TEAD1: variants seen among roughly 807,000 people sequenced by gnomAD.
The protein encoded by TEAD1 is transcriptional enhancer factor TEF-1.
In TEAD1, 9 loss-of-function variants were observed where a neutral mutation model predicts 54.9. That is an observed-to-expected ratio of 0.16 (90% confidence interval 0.10 to 0.29). The LOEUF is 0.29. TEAD1 is among the 10% of genes least tolerant of loss of function. TEAD1 has a pLI of 1.00. For synonymous variants in TEAD1, 200 were observed against 187.8 expected, an observed-to-expected ratio of 1.07 and a Z score of -0.53; for missense variants, 387 against 535.9, an observed-to-expected ratio of 0.72 and a Z score of 2.74.
In TEAD1 at chr11:12,940,647, C is replaced by G. The variant is rs990744753; in HGVS notation, c.*3425C>G. ...TTGGGAACAGCTGGTCACCATCATC[C>G]CTTTAATCAACTCACACCTGTTTAA... On this transcript the variant is annotated 3_prime_UTR_variant, in exon 13 of 13. Coordinates refer to ENST00000527636, the MANE Select transcript of TEAD1 (RefSeq NM_021961.6). 1 of 152,172 alleles carries G rather than the reference C, an allele frequency of 6.6e-6. No individual in the cohort carries two copies. Among genetic ancestry groups the G allele is most frequent in the African/African-American group, 2.4e-5 (1 of 41,424 alleles). The allele number at this position is 152,172 out of a possible 1,614,324, so 9.4% of individuals were successfully genotyped here. A position where few individuals can be genotyped will look rare whatever the true frequency, so the allele number is the denominator to read the frequency against.
chr11:12,694,542 T>G (rs903356781), intron 2 of TEAD1, among the ~76,000 whole-genome samples: 5 of 152,168 alleles, frequency 3.3e-5, no homozygotes, highest in African/African-American at 1.2e-4. Flanking sequence ...CTGCTGTGAC[T>G]CGTATTTATT....
chr11:12,906,241 A>G (rs536543924), intron 10 of TEAD1, among the ~76,000 whole-genome samples: 1 of 152,300 alleles, frequency 6.6e-6, no homozygotes, highest in Admixed American at 6.5e-5. Context: ...AAGATCACTC[A>G]TGTTAAATGT....
Position 12,930,479 on chromosome 11 carries a change from G to T in TEAD1, c.1167+153G>T, listed in dbSNP as rs563600736. Among the ~76,000 whole-genome samples the T allele has an allele frequency of 3.9e-5, 6 of 152,320 alleles. No individual in the cohort carries two copies. In the East Asian group the frequency reaches 7.7e-4, roughly 20 times the overall value. The stretch of plus-strand genomic sequence containing the variant: ...TAGTGGTCAGTCAGCAGTTGAATTT[G>T]CATCATCCATAGGGAAAACTTGGGC... On this transcript the variant is annotated intron_variant, in intron 12 of 12. Transcript: ENST00000527636.
intron 3 of TEAD1, among the ~76,000 whole-genome samples, chr11:12,776,206 C>T (rs891674740): frequency 2.6e-5 from 4 of 152,222 alleles, no homozygotes; most frequent in African/African-American, 9.6e-5. Context: ...TTGAGTGTGT[C>T]AGTCAGCTGG....
chr11:12,745,880 C>T (rs531431211), intron 2 of TEAD1, among the ~76,000 whole-genome samples: 10 of 152,370 alleles, frequency 6.6e-5, no homozygotes, highest in African/African-American at 2.4e-4. Flanking sequence ...GCATTCACAG[C>T]TTCTTTTGCA....
intron 11 of TEAD1, among the ~76,000 whole-genome samples, chr11:12,925,355 GA>G (rs1187754844): frequency 5.9e-5 from 9 of 152,192 alleles, no homozygotes; most frequent in Non-Finnish European, 8.8e-5. Context: ...GGTGGCAGGA[GA>G]AAGGTGGGTG....
chr11:12,907,367 G>A (rs538094029), intron 10 of TEAD1, among the ~76,000 whole-genome samples: 8 of 152,174 alleles, frequency 5.3e-5, no homozygotes, highest in South Asian at 4.1e-4. Context: ...GGGAGCAGTC[G>A]GTGTTTTAAC....
At chr11:12,709,337 C>CAAAAAAAAT (rs1554923094) in intron 2 of TEAD1, among the ~76,000 whole-genome samples, 1 of 135,616 alleles carries the variant, frequency 7.4e-6, no homozygotes, top group Non-Finnish European at 1.5e-5. Context: ...GATTCTCTCT[C>CAAAAAAAAT]AAAAAAAATA....
chr11:12,847,578 G>A (rs763942113), intron 3 of TEAD1, among the ~76,000 whole-genome samples: 49 of 152,200 alleles, frequency 3.2e-4, no homozygotes, highest in Non-Finnish European at 6.2e-4. Flanking sequence ...ACAGAAGTGT[G>A]TGTAGAGAGT....
At chr11:12,773,504 C>T (rs1367685217) in intron 3 of TEAD1, among the ~76,000 whole-genome samples, 3 of 152,100 alleles carry the variant, frequency 2.0e-5, no homozygotes, top group African/African-American at 7.2e-5. Flanking sequence ...ATTTGCATTT[C>T]CTTAAAGACT....
chr11:12,825,403 G>T (rs1400405552), intron 3 of TEAD1, among the ~76,000 whole-genome samples: 3 of 152,142 alleles, frequency 2.0e-5, no homozygotes, highest in Non-Finnish European at 4.4e-5. Flanking sequence ...CAGGATAAAA[G>T]ATTAGTATAC....
intron 10 of TEAD1, among the ~76,000 whole-genome samples, chr11:12,906,578 T>C (rs1658782214): frequency 6.6e-6 from 1 of 151,822 alleles, no homozygotes; most frequent in Admixed American, 6.6e-5. Context: ...AAAAGTACAA[T>C]TTAATTATTT....
intron 2 of TEAD1, among the ~76,000 whole-genome samples, chr11:12,737,133 G>C (rs773728415): frequency 2.0e-4 from 31 of 152,106 alleles, no homozygotes; most frequent in Admixed American, 1.2e-3. Flanking sequence ...CAACTCTCTT[G>C]TTTTCAGATG....
At chr11:12,836,645 T>C (rs1031040035) in intron 3 of TEAD1, among the ~76,000 whole-genome samples, 6 of 152,200 alleles carry the variant, frequency 3.9e-5, no homozygotes, top group African/African-American at 1.4e-4. Flanking sequence ...ACAGGATTGC[T>C]AATTATAGTC....
intron 3 of TEAD1, among the ~76,000 whole-genome samples, chr11:12,793,155 A>C (rs2133964266): frequency 6.6e-6 from 1 of 152,224 alleles, no homozygotes; most frequent in African/African-American, 2.4e-5. Context: ...TACGTTATTC[A>C]ACCGGTTGCC....
rs755846670 is a variant in TEAD1, at chr11:12,879,634, G to A, written c.331-74G>A. 21 of 1,593,096 alleles carry A rather than the reference G, an allele frequency of 1.3e-5. 1 individual carries two copies. The highest frequency in any genetic ancestry group is 1.0e-4 in the Admixed American group (6 of 59,956). On this transcript the variant is annotated intron_variant, in intron 5 of 12. Coordinates refer to ENST00000527636, the MANE Select transcript of TEAD1 (RefSeq NM_021961.6). ...GCTCTGTATTTTAGTCCATGTGCTCGTGGCTGTGCCTGTGTAACCTGCCTG... is the reference window on the plus strand; with the variant it reads ...GCTCTGTATTTTAGTCCATGTGCTCATGGCTGTGCCTGTGTAACCTGCCTG...
chr11:12,869,657 T>G (rs972309758), intron 5 of TEAD1, among the ~76,000 whole-genome samples: 1 of 152,210 alleles, frequency 6.6e-6, no homozygotes, highest in African/African-American at 2.4e-5. Context: ...TATCTGGAAT[T>G]GATCATTTTC....
At chr11:12,824,623 T>C (rs1456032211) in intron 3 of TEAD1, among the ~76,000 whole-genome samples, 1 of 152,174 alleles carries the variant, frequency 6.6e-6, no homozygotes, top group Non-Finnish European at 1.5e-5. Context: ...GAGTGAGAGC[T>C]CCCACTGGAG....
intron 9 of TEAD1, among the ~76,000 whole-genome samples, chr11:12,883,966 G>A (rs1174139818): frequency 6.8e-6 from 1 of 148,042 alleles, no homozygotes; most frequent in East Asian, 2.0e-4. Context: ...CTGCACTCCA[G>A]CCTGGCGACA....
Sources: allele counts gnomAD v4.1 joint callset (sites outside exome capture counted in the v4.1 genomes callset), GRCh38; gene constraint gnomAD v4.1.1; transcripts MANE v1.5; gene names NCBI Gene and HGNC (gene_info 2026-07-23, HGNC 2026-07-21).